The following NRG1 variants were observed in gnomAD, a reference collection of about 807,000 sequenced individuals.
NRG1 encodes pro-neuregulin-1, membrane-bound isoform.
Under a neutral mutation model 63.8 loss-of-function variants are expected in NRG1, and 18 were observed. That is an observed-to-expected ratio of 0.28 (90% CI 0.19 to 0.42). The LOEUF is 0.42. NRG1 is among the 10% of genes least tolerant of loss of function. The pLI is 1.00. For synonymous variants in NRG1, 302 were observed against 301.3 expected (o/e 1.00, Z -0.02); for missense variants, 762 against 814.7 (o/e 0.94, Z 0.79).
At chr8:32,415,623 A>G (rs1365120931) in intron 1 of NRG1, among the ~76,000 whole-genome samples, 1 of 152,222 alleles carries the variant, frequency 6.6e-6, no homozygotes, top group Non-Finnish European at 1.5e-5. Context: ...ATGAATGCAT[A>G]AGACCATACA....
intron 3 of NRG1, chr8:32,614,290 TTAG>T (rs1361329485): frequency 2.0e-4 from 83 of 411,746 alleles, no homozygotes; most frequent in African/African-American, 1.3e-3. Context: ...CCTAATTATT[TTAG>T]CACAGCTGAT....
chr8:32,117,944 C>T (rs1832948842), intron 1 of NRG1, among the ~76,000 whole-genome samples: 1 of 152,098 alleles, frequency 6.6e-6, no homozygotes, highest in Non-Finnish European at 1.5e-5. Context: ...GCAGATTTAG[C>T]ACTAAGAAAT....
chr8:32,704,051 A>T (rs1484031279), intron 5 of NRG1, among the ~76,000 whole-genome samples: 1 of 152,266 alleles, frequency 6.6e-6, no homozygotes, highest in African/African-American at 2.4e-5. Context: ...CCCTTCAGTA[A>T]CAAAGAATGA....
intron 1 of NRG1, among the ~76,000 whole-genome samples, chr8:32,397,597 G>A (rs1428222928): frequency 2.6e-5 from 4 of 151,112 alleles, no homozygotes; most frequent in Non-Finnish European, 5.9e-5. Context: ...CTCTAATTGG[G>A]TGTGTGGATA....
chr8:32,309,656 C>T (rs958525069), intron 1 of NRG1, among the ~76,000 whole-genome samples: 2 of 152,120 alleles, frequency 1.3e-5, no homozygotes, highest in African/African-American at 2.4e-5. Flanking sequence ...TCCAACAACT[C>T]GAAGCTCAGC....
At chr8:31,887,988 T>A (rs528260567) in intron 1 of NRG1, among the ~76,000 whole-genome samples, 3 of 151,584 alleles carry the variant, frequency 2.0e-5, no homozygotes, top group African/African-American at 7.3e-5. Flanking sequence ...ATATATTACA[T>A]ATCAATATAT....
At chr8:31,785,907 T>C (rs1156625088) in intron 1 of NRG1, among the ~76,000 whole-genome samples, 2 of 152,158 alleles carry the variant, frequency 1.3e-5, no homozygotes, top group African/African-American at 4.8e-5. Context: ...CCACTTCACC[T>C]CCCATTTAAA....
chr8:31,700,906 T>C (rs1381093868), intron 1 of NRG1, among the ~76,000 whole-genome samples: 1 of 152,176 alleles, frequency 6.6e-6, no homozygotes, highest in African/African-American at 2.4e-5. Flanking sequence ...GTTATTGTGG[T>C]AGAATGAGGG....
chr8:31,836,638 G>C (rs1825715740), intron 1 of NRG1, among the ~76,000 whole-genome samples: 1 of 152,028 alleles, frequency 6.6e-6, no homozygotes, highest in African/African-American at 2.4e-5. Context: ...CTTTAAAACA[G>C]ATACATAAGC....
chr8:32,008,545 A>T (rs1452529519), intron 1 of NRG1, among the ~76,000 whole-genome samples: 1 of 152,060 alleles, frequency 6.6e-6, no homozygotes, highest in East Asian at 1.9e-4. Context: ...TGTATAGTAC[A>T]TATTTTATAC....
rs118005691 is a variant in NRG1, at chr8:31,741,445, A to G, written c.37+102014A>G. Reference sequence around the variant, plus strand: ...AACTAACAACAAAAAACCTGAGAAGACAGGCCGCAAAAAAAGAAATATGGA... The same window carrying G: ...AACTAACAACAAAAAACCTGAGAAGGCAGGCCGCAAAAAAAGAAATATGGA... On this transcript the variant is annotated intron_variant, in intron 1 of 10. Coordinates refer to the NRG1 transcript ENST00000519301. Among the ~76,000 whole-genome samples the G allele has an allele frequency of 1.5e-3, 223 of 151,490 alleles. 3 individuals are homozygous for G. The East Asian group carries it at 0.04, about 27-fold the overall frequency.
intron 1 of NRG1, among the ~76,000 whole-genome samples, chr8:32,277,001 G>A (rs1852178052): frequency 6.6e-6 from 1 of 152,146 alleles, no homozygotes; most frequent in African/African-American, 2.4e-5. Flanking sequence ...GCAAGTCAAA[G>A]GCCTTTTGAT....
chr8:32,144,009 G>A (rs953468606), intron 1 of NRG1, among the ~76,000 whole-genome samples: 1 of 152,218 alleles, frequency 6.6e-6, no homozygotes, highest in Non-Finnish European at 1.5e-5. Context: ...GCTATAATCT[G>A]CCTTGTAAGG....
chr8:32,025,917 G>T lies in NRG1; in HGVS notation c.37+386486G>T, dbSNP rs1183345282. Among the ~76,000 whole-genome samples, 6 of 144,148 alleles carry T rather than the reference G, an allele frequency of 4.2e-5. No individual in the cohort carries two copies. The East Asian group carries it at 1.1e-3, about 26-fold the overall frequency. 94.6% of individuals were successfully genotyped at this position (144,148 alleles called of 152,430 possible). On this transcript the variant is annotated intron_variant, in intron 1 of 10. Transcript: ENST00000519301. ...GCCGAGATCCCGCCGCTGCATTACGGCCTGGCCGAGAGAGCGAGACTCCGT... is the reference window on the plus strand; with the variant it reads ...GCCGAGATCCCGCCGCTGCATTACGTCCTGGCCGAGAGAGCGAGACTCCGT...
At chr8:32,401,322 A>G in intron 1 of NRG1, among the ~76,000 whole-genome samples, 1 of 152,250 alleles carries the variant, frequency 6.6e-6, no homozygotes, top group Middle Eastern at 3.4e-3. Context: ...ATACATAAAA[A>G]TTTAAAAATA....
chr8:32,146,836 G>T (rs1461036213), intron 1 of NRG1, among the ~76,000 whole-genome samples: 1 of 151,952 alleles, frequency 6.6e-6, no homozygotes. Context: ...ATTGGTGTAA[G>T]CTCTTAAGTT....
chr8:31,792,179 A>G (rs1422784666), intron 1 of NRG1, among the ~76,000 whole-genome samples: 1 of 152,226 alleles, frequency 6.6e-6, no homozygotes, highest in Non-Finnish European at 1.5e-5. Context: ...TTACTCTTTA[A>G]GGAACTAGAG....
intron 5 of NRG1, among the ~76,000 whole-genome samples, chr8:32,619,900 T>A (rs1848034105): frequency 6.6e-6 from 1 of 152,180 alleles, no homozygotes; most frequent in Non-Finnish European, 1.5e-5. Context: ...GAAAATATGC[T>A]CTTCAGTTTG....
intron 1 of NRG1, among the ~76,000 whole-genome samples, chr8:32,266,165 G>T (rs961351291): frequency 3.3e-5 from 5 of 152,164 alleles, no homozygotes; most frequent in African/African-American, 9.7e-5. Context: ...ATGTGTAAAT[G>T]ATAGTTTCCC....
Sources: allele counts gnomAD v4.1 joint callset (sites outside exome capture counted in the v4.1 genomes callset), GRCh38; gene constraint gnomAD v4.1.1; transcripts MANE v1.5; gene names NCBI Gene and HGNC (gene_info 2026-07-23, HGNC 2026-07-21).